The following FGF14 variants were observed in gnomAD, a reference collection of about 807,000 sequenced individuals.
FGF14 encodes the protein fibroblast growth factor homologous factor 4.
Under a neutral mutation model 25.5 loss-of-function variants are expected in FGF14, and 5 were observed. The ratio of observed to expected loss-of-function variants is 0.20; its 90% CI spans 0.10 to 0.41. The LOEUF (loss-of-function observed/expected upper bound fraction) is 0.41, where lower values mean the gene tolerates loss of function less well. FGF14 is among the 10% of genes least tolerant of loss of function. The probability of loss-of-function intolerance (pLI) is 1.00; values close to 1 mark genes in which losing one functional copy is unlikely to be tolerated. For synonymous variants in FGF14, 138 were observed against 118.3 expected (o/e 1.17, Z -1.08); for missense variants, 222 against 320.1 (o/e 0.69, Z 2.34).
At chr13:102,239,313 A>G (rs1341005116) in intron 1 of FGF14, among the ~76,000 whole-genome samples, 1 of 152,192 alleles carries the variant, frequency 6.6e-6, no homozygotes, top group Admixed American at 6.5e-5. Flanking sequence ...TATCAGACGA[A>G]CTAAAGATGA....
Position 101,714,173 on chromosome 13 carries a change from C to T in FGF14, c.*8658G>A. The T allele has an allele frequency of 2.4e-6, 1 of 416,156 alleles. No individual in the cohort carries two copies. The highest frequency in any genetic ancestry group is 4.3e-6 in the Non-Finnish European group (1 of 233,006). The allele number at this position is 416,156 out of a possible 1,614,324, so 25.8% of individuals were successfully genotyped here. ...ATAAGAATCAACCCCATCCTGCTCTCATTGACATTTCAACCAGACTGGGCC... is the reference window on the plus strand; with the variant it reads ...ATAAGAATCAACCCCATCCTGCTCTTATTGACATTTCAACCAGACTGGGCC... On this transcript the variant is annotated 3_prime_UTR_variant, in exon 5 of 5. Transcript: ENST00000376143.
chr13:102,181,045 T>A (rs1332489610), intron 1 of FGF14, among the ~76,000 whole-genome samples: 1 of 152,178 alleles, frequency 6.6e-6, no homozygotes, highest in Non-Finnish European at 1.5e-5. Flanking sequence ...GTCAGCCAGC[T>A]ACAGCCTGCA....
chr13:102,111,777 CAAAAA>C (rs10602468), intron 1 of FGF14, among the ~76,000 whole-genome samples: 4 of 137,750 alleles, frequency 2.9e-5, no homozygotes, highest in African/African-American at 5.1e-5. Context: ...AACCATCAAA[CAAAAA>C]AAAAAAAAAC....
intron 3 of FGF14, among the ~76,000 whole-genome samples, chr13:101,793,663 C>T (rs1253398436): frequency 6.6e-6 from 1 of 152,014 alleles, no homozygotes; most frequent in African/African-American, 2.4e-5. Context: ...ATACAATTTT[C>T]CATAATGGCA....
Position 101,716,277 on chromosome 13 carries a change from G to A in FGF14, c.*6554C>T, listed in dbSNP as rs2034718629. The A allele has an allele frequency of 2.6e-5, 4 of 152,108 alleles. No homozygotes were observed. The highest frequency in any genetic ancestry group is 5.9e-5 in the Non-Finnish European group (4 of 68,030). 9.4% of individuals were successfully genotyped at this position (152,108 alleles called of 1,614,324 possible). A position where few individuals can be genotyped will look rare whatever the true frequency, so the allele number is the denominator to read the frequency against. ...ACAGGAGGTAGAATATCAGAGTGGGGCTGGATCAAGGGCAAAAACTGGTCA... is the reference window on the plus strand; with the variant it reads ...ACAGGAGGTAGAATATCAGAGTGGGACTGGATCAAGGGCAAAAACTGGTCA... On this transcript the variant is annotated 3_prime_UTR_variant, in exon 5 of 5. Coordinates refer to ENST00000376143, the MANE Select transcript of FGF14 (RefSeq NM_004115.4).
chr13:102,101,870 T>C (rs1432401594), intron 1 of FGF14, among the ~76,000 whole-genome samples: 1 of 152,034 alleles, frequency 6.6e-6, no homozygotes, highest in Non-Finnish European at 1.5e-5. Context: ...ACACCATTAA[T>C]TTTTGCATTT....
chr13:101,949,409 A>T (rs2036016027), intron 1 of FGF14, among the ~76,000 whole-genome samples: 2 of 152,120 alleles, frequency 1.3e-5, no homozygotes, highest in African/African-American at 4.8e-5. Flanking sequence ...TGCTTCTCAC[A>T]GCTGCTTGGC....
At chr13:102,087,676 G>T (rs931409123) in intron 1 of FGF14, among the ~76,000 whole-genome samples, 1 of 147,224 alleles carries the variant, frequency 6.8e-6, no homozygotes, top group African/African-American at 2.5e-5. Context: ...TATCCACCTC[G>T]GCCTCCCAAA....
At chr13:102,204,604 T>G (rs2049820794) in intron 1 of FGF14, among the ~76,000 whole-genome samples, 1 of 152,136 alleles carries the variant, frequency 6.6e-6, no homozygotes, top group South Asian at 2.1e-4. Flanking sequence ...TGGGGTGCAG[T>G]GGTGCGGTCG....
intron 1 of FGF14, among the ~76,000 whole-genome samples, chr13:101,955,987 C>T (rs538875049): frequency 1.3e-5 from 2 of 152,244 alleles, no homozygotes; most frequent in African/African-American, 4.8e-5. Flanking sequence ...TTTCACTTTT[C>T]ATTTAAGTAT....
At chr13:102,017,633 T>G (rs2040416958) in intron 1 of FGF14, among the ~76,000 whole-genome samples, 1 of 152,184 alleles carries the variant, frequency 6.6e-6, no homozygotes, top group African/African-American at 2.4e-5. Context: ...CAGCAAGCAC[T>G]GACAATCTCA....
Position 101,977,081 on chromosome 13 carries a change from T to C in FGF14, c.209-101785A>G, listed in dbSNP as rs890990481. On this transcript the variant is annotated intron_variant, in intron 1 of 4. Coordinates refer to the FGF14 transcript ENST00000376131. ...TAGAAGCATAATTAACACAGAAAGGTATATAAATCATGAATAGATAGAAGA... is the reference window on the plus strand; with the variant it reads ...TAGAAGCATAATTAACACAGAAAGGCATATAAATCATGAATAGATAGAAGA... Among the ~76,000 whole-genome samples, 3 of 152,110 alleles carry C rather than the reference T, an allele frequency of 2.0e-5. No individual in the cohort carries two copies. The East Asian group carries it at 5.8e-4, about 29-fold the overall frequency.
intron 3 of FGF14, among the ~76,000 whole-genome samples, chr13:101,798,023 G>A (rs1208318970): frequency 1.3e-5 from 2 of 152,084 alleles, no homozygotes; most frequent in African/African-American, 2.4e-5. Context: ...GTTACTCGCT[G>A]TTCTTCGATA....
chr13:101,902,551 C>T (rs1480590768), intron 1 of FGF14, among the ~76,000 whole-genome samples: 1 of 152,138 alleles, frequency 6.6e-6, no homozygotes, highest in African/African-American at 2.4e-5. Context: ...AATATTGATA[C>T]CAAGCCACTA....
chr13:101,817,336 TA>T (rs1202018850), intron 3 of FGF14, among the ~76,000 whole-genome samples: 1 of 152,170 alleles, frequency 6.6e-6, no homozygotes, highest in East Asian at 1.9e-4. Context: ...AAAGAATCTT[TA>T]AATACCTGAA....
At position 101,722,799 on chromosome 13, in the gene FGF14, A is replaced by C; in HGVS notation, c.*32T>G. 18 of 1,612,842 alleles carry C rather than the reference A, an allele frequency of 1.1e-5. No individual in the cohort carries two copies. Among genetic ancestry groups the C allele is most frequent in the Non-Finnish European group, 1.5e-5 (18 of 1,179,222 alleles). On this transcript the variant is annotated 3_prime_UTR_variant, in exon 5 of 5. Transcript: ENST00000376143. ...GATAAATCACTCAACTGTGCTCAGG[A>C]CGAATAAGTCACAACACCTGTGAGG... is the stretch of plus-strand genomic sequence containing the variant.
rs1043937089 is a variant in FGF14 at position 101,931,694 on chromosome 13, C to T, written c.209-56398G>A. On this transcript the variant is annotated intron_variant, in intron 1 of 4. Coordinates refer to the FGF14 transcript ENST00000376131. ...AAAGGTTGGTTTCCTCCGGGTGAGC[C>T]GGACAGGACACTGATGCCCACGTGA... Among the ~76,000 whole-genome samples, 7 of 152,244 alleles carry T rather than the reference C, an allele frequency of 4.6e-5. No individual in the cohort carries two copies. The East Asian group carries it at 9.7e-4, about 21-fold the overall frequency.
At chr13:102,006,312 CATAA>C (rs2139769910) in intron 1 of FGF14, among the ~76,000 whole-genome samples, 1 of 152,230 alleles carries the variant, frequency 6.6e-6, no homozygotes, top group Non-Finnish European at 1.5e-5. Context: ...AGCAATAAGG[CATAA>C]ATAAAGACAG....
chr13:101,844,822 AT>A (rs1224128544), intron 3 of FGF14, among the ~76,000 whole-genome samples: 27 of 152,138 alleles, frequency 1.8e-4, no homozygotes, highest in African/African-American at 6.0e-4. Context: ...AATCCAAAAC[AT>A]TTAACTAGGA....
Sources: gnomAD v4.1 joint callset for allele counts (sites outside exome capture counted in the v4.1 genomes callset) on GRCh38, gnomAD v4.1.1 for gene constraint, MANE v1.5 for transcripts, NCBI Gene and HGNC (gene_info 2026-07-23, HGNC 2026-07-21) for gene names.